Variants in AGBL1 observed in about 807,000 individuals in gnomAD.
AGBL1 encodes the protein cytosolic carboxypeptidase 4.
AGBL1 carries 130 observed loss-of-function variants against 118.9 expected under a neutral mutation model. The observed-to-expected ratio is 1.09, with a 90% confidence interval of 0.95 to 1.26. The LOEUF is 1.26. Ranked by LOEUF, AGBL1 falls within the 50% of genes most tolerant of loss-of-function variation. The probability of loss-of-function intolerance (pLI) is 0.00; values close to 1 mark genes in which losing one functional copy is unlikely to be tolerated. For synonymous variants in AGBL1, 555 were observed against 478.9 expected (o/e 1.16, Z -2.08); for missense variants, 1,584 against 1,298.1 (o/e 1.22, Z -3.38).
At chr15:86,454,415 C>T (rs889331435) in intron 18 of AGBL1, among the ~76,000 whole-genome samples, 7 of 152,156 alleles carry the variant, frequency 4.6e-5, no homozygotes, top group African/African-American at 1.7e-4. Context: ...ATTCCACTGT[C>T]TCCCCAAGAG....
In AGBL1 at chr15:86,758,362, G is replaced by A. The variant is rs375174736; in HGVS notation, c.3158+83926G>A. ...CTTAATTGATGGTGACTTCCTCAAG[G>A]AAGTATTTTCTAGCCCCTAGAGTAG... On this transcript the variant is annotated intron_variant, in intron 22 of 22. Transcript: ENST00000614907. Among the ~76,000 whole-genome samples, 5 of 152,164 alleles carry A rather than the reference G, an allele frequency of 3.3e-5. No homozygotes were observed. In the East Asian group the frequency reaches 9.7e-4, roughly 29 times the overall value.
intron 21 of AGBL1, among the ~76,000 whole-genome samples, chr15:86,580,279 C>T (rs772903800): frequency 3.3e-5 from 5 of 152,088 alleles, no homozygotes; most frequent in Non-Finnish European, 5.9e-5. Flanking sequence ...TTCCTTGTTA[C>T]TACTAACTTG....
intron 21 of AGBL1, among the ~76,000 whole-genome samples, chr15:86,564,503 G>C (rs943389578): frequency 6.6e-6 from 1 of 152,220 alleles, no homozygotes; most frequent in African/African-American, 2.4e-5. Flanking sequence ...GAGATCTGCT[G>C]TTAGTCTGAT....
intron 24 of AGBL1, among the ~76,000 whole-genome samples, chr15:87,024,607 GAGAA>G (rs1277995731): frequency 1.3e-5 from 2 of 151,954 alleles, no homozygotes; most frequent in African/African-American, 4.8e-5. Context: ...TCCCAAGATG[GAGAA>G]AGAGAGACCC....
chr15:86,547,328 A>C (rs2083596984), intron 20 of AGBL1, among the ~76,000 whole-genome samples: 1 of 152,152 alleles, frequency 6.6e-6, no homozygotes, highest in Non-Finnish European at 1.5e-5. Context: ...ACCATGGTCC[A>C]ATCTTAAATA....
intron 17 of AGBL1, among the ~76,000 whole-genome samples, chr15:86,333,911 TA>T (rs1328829069): frequency 6.6e-6 from 1 of 152,110 alleles, no homozygotes; most frequent in East Asian, 1.9e-4. Flanking sequence ...ATTCACTGCA[TA>T]AAAATTTAAA....
At chr15:86,860,806 C>T (rs1567211791) in intron 22 of AGBL1, among the ~76,000 whole-genome samples, 1 of 151,946 alleles carries the variant, frequency 6.6e-6, no homozygotes. Context: ...GTTAACAGAG[C>T]CACCACCTAC....
At chr15:86,619,884 A>C (rs1438952976) in intron 21 of AGBL1, among the ~76,000 whole-genome samples, 3 of 152,198 alleles carry the variant, frequency 2.0e-5, no homozygotes, top group African/African-American at 7.2e-5. Flanking sequence ...ACACGCAGAG[A>C]GAGTGGGCAA....
chr15:86,541,450 C>A (rs939351531), intron 19 of AGBL1, among the ~76,000 whole-genome samples: 9 of 151,904 alleles, frequency 5.9e-5, no homozygotes, highest in Non-Finnish European at 1.2e-4. Context: ...AAATTAGCCA[C>A]GTATGGTGTC....
chr15:87,031,153 C>G (rs1223871691), downstream of AGBL1, among the ~76,000 whole-genome samples: 1 of 151,904 alleles, frequency 6.6e-6, no homozygotes, highest in Non-Finnish European at 1.5e-5. Context: ...TTTCATGTGT[C>G]AGCTTTGTGT....
chr15:86,215,224 CGTGTGTGTGTGTGTGTGT>C (rs1555449552), intron 5 of AGBL1, among the ~76,000 whole-genome samples: 267 of 114,482 alleles, frequency 2.3e-3, no homozygotes, highest in Non-Finnish European at 4.3e-3. Context: ...TATATGTATG[CGTGTGTGTGTGTGTGTGT>C]GTGTGTGTGT....
chr15:86,639,312 GT>G (rs1329208352), intron 21 of AGBL1, among the ~76,000 whole-genome samples: 1 of 152,100 alleles, frequency 6.6e-6, no homozygotes, highest in East Asian at 1.9e-4. Flanking sequence ...TATTAAAACT[GT>G]TGTGGTACAG....
At chr15:86,132,996 T>C (rs2076839187) in intron 1 of AGBL1, among the ~76,000 whole-genome samples, 1 of 152,194 alleles carries the variant, frequency 6.6e-6, no homozygotes. Flanking sequence ...GAGCGTTTAG[T>C]GTGACCCAGG....
chr15:86,972,816 C>T (rs1056834642), intron 23 of AGBL1, among the ~76,000 whole-genome samples: 10 of 151,986 alleles, frequency 6.6e-5, no homozygotes, highest in African/African-American at 2.2e-4. Flanking sequence ...TTTTCATTCC[C>T]TTAAAACTTA....
At chr15:86,721,193 CAAA>C (rs888854162) in intron 22 of AGBL1, among the ~76,000 whole-genome samples, 1 of 150,474 alleles carries the variant, frequency 6.6e-6, no homozygotes, top group Non-Finnish European at 1.5e-5. Flanking sequence ...AGAGACACAA[CAAA>C]AAAAAAGAAT....
chr15:86,149,804 C>A (rs2077082690), intron 3 of AGBL1, among the ~76,000 whole-genome samples: 2 of 152,120 alleles, frequency 1.3e-5, no homozygotes, highest in African/African-American at 4.8e-5. Context: ...CACTCTCCAC[C>A]CCAAATCAAC....
At chr15:86,773,212 C>T (rs1223207913) in intron 22 of AGBL1, among the ~76,000 whole-genome samples, 3 of 151,912 alleles carry the variant, frequency 2.0e-5, no homozygotes, top group Non-Finnish European at 4.4e-5. Flanking sequence ...AACGAACTAT[C>T]CAGGTGGGGA....
rs182495898 is a variant in AGBL1, at chr15:86,526,217, A to T, written c.2685+3278A>T. On this transcript the variant is annotated intron_variant, in intron 19 of 22. Coordinates refer to ENST00000614907, the MANE Select transcript of AGBL1 (RefSeq NM_001386094.1). ...GTTTTTAAAAGATCAAAAACAACAG[A>T]TGTAGGCATGGATGCAGTCAAAAGG... Among the ~76,000 whole-genome samples, 7 of 152,184 alleles carry T rather than the reference A, an allele frequency of 4.6e-5. No homozygotes were observed. In the East Asian group the frequency reaches 1.4e-3, roughly 29 times the overall value.
chr15:86,989,122 C>A (rs2594323), intron 24 of AGBL1, among the ~76,000 whole-genome samples: 123,344 of 151,702 alleles, frequency 0.81, 50,803 homozygotes, highest in South Asian at 0.95. Context: ...CTGTTTCAGC[C>A]TCTCAAGTAG....
Sources: gnomAD v4.1 joint callset for allele counts (sites outside exome capture counted in the v4.1 genomes callset) on GRCh38, gnomAD v4.1.1 for gene constraint, MANE v1.5 for transcripts, NCBI Gene and HGNC (gene_info 2026-07-23, HGNC 2026-07-21) for gene names.